The following DNAH7 variants were observed in gnomAD, a reference collection of about 807,000 sequenced individuals.
The protein encoded by DNAH7 is dynein axonemal heavy chain 7.
A neutral mutation model predicts 444.6 loss-of-function variants in DNAH7; 397 were observed. That is an observed-to-expected ratio of 0.89 (90% confidence interval 0.82 to 0.97). DNAH7 has a LOEUF of 0.97. Among genes scored for constraint, DNAH7 ranks in the 50% least tolerant of loss-of-function variants. DNAH7 has a pLI of 0.00. For synonymous variants in DNAH7, 1,636 were observed against 1,624.4 expected (o/e 1.01, Z -0.17); for missense variants, 4,902 against 4,800.8 (o/e 1.02, Z -0.62).
rs745941917 is a variant in DNAH7 at position 195,794,452 on chromosome 2, C to T, written c.10602G>A (p.Gln3534=). The change falls in exon 57 of 65, where the codon CAG becomes CAA. Residue 3534 remains glutamine (Q), a synonymous_variant. Coordinates refer to ENST00000312428, the MANE Select transcript of DNAH7 (RefSeq NM_018897.3). ...CTTCATTGGTCATTTTCACTCCATT[C>T]TGCAGTACTGACACAGGGAAATTTG... ...PSPNFPVSVL[Q]NGVKMTNEAP... is the part of the protein sequence containing the mutation. 14 of 1,614,070 alleles carry T rather than the reference C, an allele frequency of 8.7e-6. No individual in the cohort carries two copies. The highest frequency in any genetic ancestry group is 1.7e-5 in the Admixed American group (1 of 60,004).
chr2:195,967,714 A>G (rs1425860939), intron 17 of DNAH7, among the ~76,000 whole-genome samples: 1 of 152,120 alleles, frequency 6.6e-6, no homozygotes, highest in Non-Finnish European at 1.5e-5. Flanking sequence ...CTGCAGTCAG[A>G]TGTGTTGGAG....
At position 195,740,869 on chromosome 2, in the gene DNAH7, C is replaced by A. The variant is rs1420064120; in HGVS notation, c.11765G>T (p.Gly3922Val). Residue 3922 changes from glycine (G) to valine (V), a missense_variant and splice_region_variant, in exon 64 of 65, where the codon GGT (glycine) becomes GTT (valine). Transcript: ENST00000312428. Reference sequence around the variant, plus strand: ...CAGAAATAATCCGTGAATGAAAACACCTAAATATAAAAGAAACACATTAAT... The same window carrying A: ...CAGAAATAATCCGTGAATGAAAACAACTAAATATAAAAGAAACACATTAAT... ...DKEYKHPPED[G>V]VFIHGLFLDG... is the part of the protein sequence containing the mutation. The A allele has an allele frequency of 2.6e-6, 4 of 1,524,872 alleles. No individual in the cohort carries two copies. The highest frequency in any genetic ancestry group is 1.3e-5 in the South Asian group (1 of 75,168). The allele number at this position is 1,524,872 out of a possible 1,614,324, so 94.5% of individuals were successfully genotyped here. A position where few individuals can be genotyped will look rare whatever the true frequency, so the allele number is the denominator to read the frequency against.
In DNAH7 at chr2:195,977,217, G is replaced by A. The variant is rs183576201; in HGVS notation, c.1834-4751C>T. Among the ~76,000 whole-genome samples the A allele has an allele frequency of 5.3e-3, 807 of 152,258 alleles. 5 individuals are homozygous for A. Among genetic ancestry groups the A allele is most frequent in the Non-Finnish European group, 7.7e-3 (526 of 68,018 alleles). On this transcript the variant is annotated intron_variant, in intron 15 of 64. Coordinates refer to ENST00000312428, the MANE Select transcript of DNAH7 (RefSeq NM_018897.3). ...GATTTCAGACAGACAATTCAAAATA[G>A]CTGTTTTCAGGAAACTCTTTGAAAT... is the stretch of plus-strand genomic sequence containing the variant.
At chr2:196,003,746 T>G (rs1439723560) in intron 10 of DNAH7, among the ~76,000 whole-genome samples, 1 of 152,222 alleles carries the variant, frequency 6.6e-6, no homozygotes, top group Non-Finnish European at 1.5e-5. Flanking sequence ...AGTTTGCTGA[T>G]AGTGTGCAAG....
intron 5 of DNAH7, among the ~76,000 whole-genome samples, chr2:196,045,955 A>G (rs1198106763): frequency 6.6e-6 from 1 of 152,092 alleles, no homozygotes; most frequent in Non-Finnish European, 1.5e-5. Context: ...AAAGCACAGA[A>G]CTCTAAGATT....
intron 9 of DNAH7, among the ~76,000 whole-genome samples, chr2:196,014,827 T>C (rs1694919017): frequency 6.6e-6 from 1 of 152,198 alleles, no homozygotes; most frequent in Non-Finnish European, 1.5e-5. Flanking sequence ...TAGCACACTA[T>C]AGGCCAGTGT....
At chr2:195,995,270 G>C (rs1480475697) in intron 12 of DNAH7, 1 of 444,006 alleles carries the variant, frequency 2.3e-6, no homozygotes, top group Non-Finnish European at 4.4e-6. Context: ...GAATGTTGGT[G>C]ATATCATAAG....
rs1276027194 is a variant in DNAH7, at chr2:195,990,778, TG to T, written c.1354-2550del. On this transcript the variant is annotated intron_variant, in intron 12 of 64. Transcript: ENST00000312428. ...TGTTTAGGTTACTATAGCTTTGTTG[TG>T]TGTGTGTGTGTGTGTGTGTGTGTGT... Among the ~76,000 whole-genome samples the T allele has an allele frequency of 2.1e-3, 29 of 13,654 alleles. No individual in the cohort carries two copies. In the Admixed American group the frequency reaches 0.025, roughly 12 times the overall value. The allele number at this position is 13,654 out of a possible 152,430, so 9.0% of individuals were successfully genotyped here.
chr2:195,794,222 G>A, intron 57 of DNAH7, 116 bp downstream of exon 57: 1 of 838,232 alleles, frequency 1.2e-6, no homozygotes, highest in African/African-American at 1.7e-5. Flanking sequence ...CTACTGCACT[G>A]CGGTGCAGGA....
intron 47 of DNAH7, among the ~76,000 whole-genome samples, chr2:195,836,405 G>A (rs1484002885): frequency 6.6e-6 from 1 of 152,026 alleles, no homozygotes; most frequent in African/African-American, 2.4e-5. Flanking sequence ...CAGCTACTTG[G>A]GAGACTGAGG....
chr2:196,067,845 G>A (rs1363855208), intron 1 of DNAH7, among the ~76,000 whole-genome samples: 2 of 152,170 alleles, frequency 1.3e-5, no homozygotes, highest in Admixed American at 1.3e-4. Context: ...CTTCCAGGAG[G>A]TTTATAGAGT....
chr2:195,785,546 C>A (rs1490037618), intron 58 of DNAH7, among the ~76,000 whole-genome samples: 1 of 144,508 alleles, frequency 6.9e-6, no homozygotes, highest in African/African-American at 2.5e-5. Flanking sequence ...TTTGTTTAAT[C>A]AAGTTGAGGA....
At chr2:195,922,251 A>C in intron 23 of DNAH7, 54 bp from the exon 24 acceptor site, 1 of 1,060,570 alleles carries the variant, frequency 9.4e-7, no homozygotes, top group Non-Finnish European at 1.4e-6. Context: ...AATAATATGA[A>C]ATCTCAAGCT....
chr2:195,979,840 T>A (rs1202806212), intron 15 of DNAH7, among the ~76,000 whole-genome samples: 1 of 151,642 alleles, frequency 6.6e-6, no homozygotes, highest in East Asian at 1.9e-4. Context: ...GACAACTATA[T>A]CCCAATAAAT....
At chr2:196,042,985 T>C (rs1696863618) in intron 5 of DNAH7, among the ~76,000 whole-genome samples, 1 of 152,064 alleles carries the variant, frequency 6.6e-6, no homozygotes, top group Non-Finnish European at 1.5e-5. Context: ...TGATTGCAGT[T>C]ATATGAAATT....
intron 12 of DNAH7, chr2:195,994,440 G>T: frequency 1.7e-6 from 1 of 593,716 alleles, no homozygotes; most frequent in African/African-American, 1.9e-5. Context: ...GTTGGCTGGG[G>T]AGGCCAAGGG....
At chr2:195,898,552 G>A (rs1686487846) in intron 28 of DNAH7, among the ~76,000 whole-genome samples, 1 of 152,054 alleles carries the variant, frequency 6.6e-6, no homozygotes, top group Admixed American at 6.6e-5. Flanking sequence ...GCAGTTAGAT[G>A]ACATAATAAC....
Position 195,754,459 on chromosome 2 carries a change from G to A in DNAH7, c.11642C>T (p.Thr3881Ile), listed in dbSNP as rs752602926. 6.8e-6 allele frequency: 11 copies of A among 1,613,990 alleles called. No homozygotes were observed. In the Admixed American group the frequency reaches 8.3e-5, roughly 12 times the overall value. Reference protein sequence around the residue: ...PVFWLSGFFFTQAFLTGAQQN... With the variant: ...PVFWLSGFFFIQAFLTGAQQN... The stretch of plus-strand genomic sequence containing the variant: ...CTGGGCACCGGTCAGGAAGGCTTGT[G>A]TGAAGAAGAAGCCAGAAAGCCAGAA... The change falls in exon 63 of 65, where the codon ACA (threonine) becomes ATA (isoleucine). Residue 3881 changes from threonine to isoleucine, a missense_variant. Transcript: ENST00000312428.
chr2:195,762,459 A>G (rs1208250963), intron 61 of DNAH7, among the ~76,000 whole-genome samples: 1 of 152,186 alleles, frequency 6.6e-6, no homozygotes, highest in Non-Finnish European at 1.5e-5. Context: ...TTAAAAAACA[A>G]GACTCAATGA....
Sources: allele counts gnomAD v4.1 joint callset (sites outside exome capture counted in the v4.1 genomes callset), GRCh38; gene constraint gnomAD v4.1.1; transcripts MANE v1.5; gene names NCBI Gene and HGNC (gene_info 2026-07-23, HGNC 2026-07-21).